DDX6: variants seen among roughly 807,000 people sequenced by gnomAD.
DDX6 encodes the protein probable ATP-dependent RNA helicase DDX6.
DDX6 carries 7 observed loss-of-function variants against 60.6 expected under a neutral mutation model. That is an observed-to-expected ratio of 0.12 (90% CI 0.07 to 0.22). DDX6 has a LOEUF of 0.22. DDX6 is among the 10% of genes least tolerant of loss of function. The pLI is 1.00. For synonymous variants in DDX6, 207 were observed against 201.0 expected (o/e 1.03, Z -0.25); for missense variants, 270 against 589.9 (o/e 0.46, Z 5.62).
At chr11:118,779,195 G>A (rs1367374716) in intron 4 of DDX6, among the ~76,000 whole-genome samples, 1 of 149,758 alleles carries the variant, frequency 6.7e-6, no homozygotes. Flanking sequence ...GGAAGGGGTT[G>A]TAGGCTGTAT....
chr11:118,760,306 A>T (rs1861121305), intron 7 of DDX6, among the ~76,000 whole-genome samples: 1 of 152,150 alleles, frequency 6.6e-6, no homozygotes, highest in Non-Finnish European at 1.5e-5. Context: ...GAATTTAATT[A>T]ATTTATTTAT....
chr11:118,774,915 C>T (rs1165862149), intron 4 of DDX6, among the ~76,000 whole-genome samples: 4 of 151,966 alleles, frequency 2.6e-5, no homozygotes, highest in African/African-American at 9.7e-5. Context: ...AAAAATAAAA[C>T]GAGAAGGTAG....
chr11:118,765,382 G>C (rs1555161099), intron 5 of DDX6, 27 bp from the exon 6 acceptor site: 1 of 1,612,150 alleles, frequency 6.2e-7, no homozygotes, highest in Non-Finnish European at 8.5e-7. Context: ...GAATATATAA[G>C]AAAATATGGG....
chr11:118,758,897 G>T lies in DDX6; in HGVS notation c.870C>A (p.Ser290=). 2.5e-6 allele frequency: 4 copies of T among 1,613,254 alleles called. No homozygotes were observed. The highest frequency in any genetic ancestry group is 3.4e-6 in the Non-Finnish European group (4 of 1,179,618). ...TAATCTCATAGGGTTTCTGCAAATG[G>T]GAATTCTGGGGGGGGAGCGGGAAAA... The part of the protein sequence containing the change: ...FPLSVQKFMN[S]HLQKPYEINL... The change falls in exon 9 of 14, where the codon TCC becomes TCA. Residue 290 remains serine (S), a synonymous_variant. Transcript: ENST00000534980.
At chr11:118,781,857 G>C (rs564004550) in intron 2 of DDX6, among the ~76,000 whole-genome samples, 5 of 152,084 alleles carry the variant, frequency 3.3e-5, no homozygotes, top group Admixed American at 1.3e-4. Context: ...GAACCTGGGA[G>C]GCGGACACTG....
At chr11:118,785,956 G>C in intron 2 of DDX6, 96 bp downstream of exon 2, 1 of 1,152,210 alleles carries the variant, frequency 8.7e-7, no homozygotes, top group Non-Finnish European at 1.2e-6. Context: ...GAATCAAAAT[G>C]GTTAAATTAA....
intron 9 of DDX6, among the ~76,000 whole-genome samples, chr11:118,758,431 T>C (rs1299279672): frequency 2.0e-5 from 3 of 152,064 alleles, no homozygotes; most frequent in Admixed American, 6.6e-5. Flanking sequence ...TGGAGTGCAA[T>C]GGTGCAATCT....
At chr11:118,765,184 CT>C in intron 6 of DDX6, 24 bp downstream of exon 6, 2 of 1,610,084 alleles carry the variant, frequency 1.2e-6, no homozygotes, top group Non-Finnish European at 1.7e-6. Context: ...GAGAGCTACA[CT>C]ACCTTTTAGT....
chr11:118,768,149 GA>G, intron 5 of DDX6, 73 bp downstream of exon 5: 1 of 1,338,298 alleles, frequency 7.5e-7, no homozygotes, highest in Non-Finnish European at 1.0e-6. Context: ...ACTAAAAAAA[GA>G]GTATCTTCTA....
In DDX6 at chr11:118,749,085, T is replaced by G. The variant is rs1336313789; in HGVS notation, c.*3020A>C. The G allele has an allele frequency of 6.6e-6, 1 of 152,118 alleles. No individual in the cohort carries two copies. Among genetic ancestry groups the G allele is most frequent in the Non-Finnish European group, 1.5e-5 (1 of 68,020 alleles). 9.4% of individuals were successfully genotyped at this position (152,118 alleles called of 1,614,324 possible). A position where few individuals can be genotyped will look rare whatever the true frequency, so the allele number is the denominator to read the frequency against. On this transcript the variant is annotated 3_prime_UTR_variant, in exon 14 of 14. Coordinates refer to ENST00000534980, the MANE Select transcript of DDX6 (RefSeq NM_004397.6). The stretch of plus-strand genomic sequence containing the variant: ...TCCTATGGGAGAGGCAAAACAGTAT[T>G]TATCCCCATCAGAATATATGGGGAA...
intron 3 of DDX6, among the ~76,000 whole-genome samples, 166 bp from the exon 4 acceptor site, chr11:118,779,902 G>A (rs1555164321): frequency 2.0e-5 from 3 of 151,982 alleles, no homozygotes; most frequent in Non-Finnish European, 2.9e-5. Context: ...GATCACCTGA[G>A]GTCAGAAGTT....
rs190173171 is a variant in DDX6, at chr11:118,758,460, G to A, written c.993+314C>T. ...GCAATCTCAGCTCACTGCAGCCTCC[G>A]CCTCCTGGGTTCAAGCAATTCTCCT... On this transcript the variant is annotated intron_variant, in intron 9 of 13. Coordinates refer to ENST00000534980, the MANE Select transcript of DDX6 (RefSeq NM_004397.6). 5.0e-3 allele frequency among the ~76,000 whole-genome samples: 755 copies of A among 151,904 alleles called. 8 individuals are homozygous for A. Among genetic ancestry groups the A allele is most frequent in the Middle Eastern group, 0.027 (8 of 294 alleles).
chr11:118,749,112 G>GA lies in DDX6; in HGVS notation c.*2992dup, dbSNP rs1860660176. On this transcript the variant is annotated 3_prime_UTR_variant, in exon 14 of 14. Transcript: ENST00000534980. ...ATCCCCATCAGAATATATGGGGAAA[G>GA]AAAAAACATAGGCCTAGAGGTGGTA... 1 of 151,888 alleles carries GA rather than the reference G, an allele frequency of 6.6e-6. No individual in the cohort carries two copies. Among genetic ancestry groups the GA allele is most frequent in the Non-Finnish European group, 1.5e-5 (1 of 67,964 alleles). 9.4% of individuals were successfully genotyped at this position (151,888 alleles called of 1,614,324 possible).
intron 4 of DDX6, among the ~76,000 whole-genome samples, chr11:118,774,989 T>C (rs572118092): frequency 5.3e-5 from 8 of 152,160 alleles, no homozygotes; most frequent in Non-Finnish European, 1.2e-4. Context: ...AGGGGGGTGA[T>C]GGGTGCACCC....
At chr11:118,770,303 C>G (rs1555162232) in intron 4 of DDX6, among the ~76,000 whole-genome samples, 1 of 152,138 alleles carries the variant, frequency 6.6e-6, no homozygotes, top group African/African-American at 2.4e-5. Context: ...GTTGGGATTA[C>G]AGGCATGAGC....
At chr11:118,778,448 T>C (rs975370739) in intron 4 of DDX6, among the ~76,000 whole-genome samples, 2 of 152,162 alleles carry the variant, frequency 1.3e-5, no homozygotes, top group Non-Finnish European at 2.9e-5. Flanking sequence ...TACAAATTGC[T>C]AAATGTCCCC....
At chr11:118,789,435 C>A (rs1482545288) in intron 1 of DDX6, 3 of 152,102 alleles carry the variant, frequency 2.0e-5, no homozygotes, top group Non-Finnish European at 4.4e-5. Context: ...TTCTTTCTGC[C>A]ATACACCAAG....
Position 118,753,119 on chromosome 11 carries a change from C to T in DDX6, c.*8-1022G>A, listed in dbSNP as rs560911216. ...CCTCGGCTCACTGCAACCTCTGCCT[C>T]CCAGGTTCAAGAGATTCTCCTGCCT... On this transcript the variant is annotated intron_variant, in intron 13 of 13. Transcript: ENST00000534980. Among the ~76,000 whole-genome samples the T allele has an allele frequency of 1.7e-3, 253 of 152,260 alleles. 3 individuals carry two copies. Among genetic ancestry groups the T allele is most frequent in the African/African-American group, 6.0e-3 (248 of 41,548 alleles).
At chr11:118,773,621 AG>A (rs1555163028) in intron 4 of DDX6, among the ~76,000 whole-genome samples, 1 of 151,948 alleles carries the variant, frequency 6.6e-6, no homozygotes, top group Non-Finnish European at 1.5e-5. Context: ...ACTCCAGACG[AG>A]GTAGCAATGA....
Sources: gnomAD v4.1 joint callset for allele counts (sites outside exome capture counted in the v4.1 genomes callset) on GRCh38, gnomAD v4.1.1 for gene constraint, MANE v1.5 for transcripts, NCBI Gene and HGNC (gene_info 2026-07-23, HGNC 2026-07-21) for gene names.